GOLPH3: variants seen among roughly 807,000 people sequenced by gnomAD.
The protein encoded by GOLPH3 is golgi phosphoprotein 3.
Under a neutral mutation model 28.5 loss-of-function variants are expected in GOLPH3, and 14 were observed. The ratio of observed to expected loss-of-function variants is 0.49; its 90% CI spans 0.32 to 0.77. The LOEUF (loss-of-function observed/expected upper bound fraction) is 0.77. Ranked by LOEUF, GOLPH3 falls within the 30% of genes least tolerant of loss-of-function variation. The pLI is 0.03. For missense variants in GOLPH3, 350 were observed against 393.7 expected (o/e 0.89, Z 0.94); for synonymous variants, 158 against 159.2 (o/e 0.99, Z 0.06).
In GOLPH3 at chr5:32,160,828, G is replaced by A. The variant is rs187074863; in HGVS notation, c.225+12982C>T. ...CACGCCTGTAATCCCAGCACTTTGG[G>A]AGGCCAAGGCGGGCGGACCACGAGG... On this transcript the variant is annotated intron_variant, in intron 1 of 3. Coordinates refer to ENST00000265070, the MANE Select transcript of GOLPH3 (RefSeq NM_022130.4). 1.1e-3 allele frequency among the ~76,000 whole-genome samples: 160 copies of A among 152,324 alleles called. 1 individual carries two copies. Among genetic ancestry groups the A allele is most frequent in the African/African-American group, 3.8e-3 (159 of 41,578 alleles).
intron 1 of GOLPH3, among the ~76,000 whole-genome samples, chr5:32,152,075 G>T (rs1176198852): frequency 6.6e-6 from 1 of 152,016 alleles, no homozygotes; most frequent in African/African-American, 2.4e-5. Flanking sequence ...CCACTAAACT[G>T]TACCACTTAA....
intron 1 of GOLPH3, among the ~76,000 whole-genome samples, chr5:32,147,468 AG>A (rs1746204567): frequency 6.6e-6 from 1 of 152,052 alleles, no homozygotes; most frequent in Non-Finnish European, 1.5e-5. Context: ...CCTGGTGCAG[AG>A]GTTATTACAA....
chr5:32,126,755 C>T, intron 3 of GOLPH3, 119 bp from the exon 4 acceptor site: 1 of 764,308 alleles, frequency 1.3e-6, no homozygotes, highest in Non-Finnish European at 2.1e-6. Context: ...AGAAAATCTG[C>T]CATGTTTTTC....
At position 32,143,794 on chromosome 5, in the gene GOLPH3, T is replaced by G; in HGVS notation, c.312A>C (p.Gln104His). Residue 104 changes from glutamine to histidine, a missense_variant, in exon 2 of 4, where the codon CAA (glutamine) becomes CAC (histidine). Transcript: ENST00000265070. ...LIELALRGRL[Q>H]LEACGMRRKS... is the part of the protein sequence containing the mutation. ...TACGTCTCATTCCACAAGCCTCTAG[T>G]TGTAACCTTCCTCTCAATGCTAATT... 1 of 1,607,340 alleles carries G rather than the reference T, an allele frequency of 6.2e-7. No homozygotes were observed. Among genetic ancestry groups the G allele is most frequent in the African/African-American group, 1.3e-5 (1 of 74,714 alleles).
At chr5:32,145,366 T>C (rs1320775380) in intron 1 of GOLPH3, among the ~76,000 whole-genome samples, 1 of 152,180 alleles carries the variant, frequency 6.6e-6, no homozygotes, top group Admixed American at 6.5e-5. Flanking sequence ...CAAATGAAGA[T>C]TACCAGAGAT....
intron 1 of GOLPH3, among the ~76,000 whole-genome samples, chr5:32,153,472 T>C (rs935278114): frequency 3.3e-5 from 5 of 150,648 alleles, no homozygotes; most frequent in Non-Finnish European, 5.9e-5. Flanking sequence ...TACTTAGTGA[T>C]AGAGCCACAA....
chr5:32,161,752 G>A (rs1746582558), intron 1 of GOLPH3, among the ~76,000 whole-genome samples: 1 of 151,296 alleles, frequency 6.6e-6, no homozygotes, highest in Non-Finnish European at 1.5e-5. Context: ...GTCGGGCCAG[G>A]CACGGTGGCT....
chr5:32,160,168 T>C (rs998633431), intron 1 of GOLPH3, among the ~76,000 whole-genome samples: 1 of 152,172 alleles, frequency 6.6e-6, no homozygotes, highest in Non-Finnish European at 1.5e-5. Flanking sequence ...AACTGCACTC[T>C]AGCCTGGGTG....
chr5:32,135,712 A>C, intron 2 of GOLPH3, 26 bp from the exon 3 acceptor site: 1 of 1,400,438 alleles, frequency 7.1e-7, no homozygotes, highest in Non-Finnish European at 1.0e-6. Context: ...AAAGAATGAA[A>C]GGATCCACGA....
rs565635595 is a variant in GOLPH3 at position 32,155,488 on chromosome 5, G to A, written c.226-11608C>T. Among the ~76,000 whole-genome samples, 38 of 152,196 alleles carry A rather than the reference G, an allele frequency of 2.5e-4. No homozygotes were observed. In the South Asian group the frequency reaches 7.7e-3, roughly 31 times the overall value. On this transcript the variant is annotated intron_variant, in intron 1 of 3. Transcript: ENST00000265070. ...CAGGCATGTAATCCTGGATTGTACT[G>A]TTTAAATAAGTGAATTGTCAATTAA...
At chr5:32,141,796 G>T (rs1037428418) in intron 2 of GOLPH3, among the ~76,000 whole-genome samples, 19 of 152,082 alleles carry the variant, frequency 1.2e-4, no homozygotes, top group Non-Finnish European at 2.6e-4. Flanking sequence ...TGGAGACGGG[G>T]ATTCGCTGTG....
chr5:32,134,137 T>C (rs575790482), intron 3 of GOLPH3, among the ~76,000 whole-genome samples: 10 of 152,290 alleles, frequency 6.6e-5, no homozygotes, highest in African/African-American at 2.4e-4. Context: ...TTAGGAAGCC[T>C]TGATGAAGCA....
intron 1 of GOLPH3, among the ~76,000 whole-genome samples, chr5:32,160,927 C>A (rs913714711): frequency 7.2e-5 from 11 of 151,920 alleles, no homozygotes; most frequent in Non-Finnish European, 1.5e-4. Context: ...ATTAGCCAGG[C>A]GTGGTGGCGG....
chr5:32,172,469 G>A (rs754336805), intron 1 of GOLPH3, among the ~76,000 whole-genome samples: 1 of 151,798 alleles, frequency 6.6e-6, no homozygotes, highest in Non-Finnish European at 1.5e-5. Flanking sequence ...GGCCGAGGCA[G>A]GCGGATCACT....
At chr5:32,148,724 G>A (rs1465186935) in intron 1 of GOLPH3, among the ~76,000 whole-genome samples, 1 of 152,252 alleles carries the variant, frequency 6.6e-6, no homozygotes, top group Non-Finnish European at 1.5e-5. Context: ...GTGACCCCAG[G>A]AGGCGGAGCT....
At chr5:32,142,565 T>A (rs1581543592) in intron 2 of GOLPH3, among the ~76,000 whole-genome samples, 6 of 133,934 alleles carry the variant, frequency 4.5e-5, no homozygotes, top group South Asian at 2.5e-4. Flanking sequence ...GAGGAGCCAC[T>A]CTGCCCGGCC....
At chr5:32,142,103 C>G (rs1168165092) in intron 2 of GOLPH3, among the ~76,000 whole-genome samples, 1 of 150,842 alleles carries the variant, frequency 6.6e-6, no homozygotes, top group East Asian at 2.0e-4. Flanking sequence ...CCTGGCTGCC[C>G]AGTCTGGAAA....
chr5:32,171,630 A>G (rs1746839467), intron 1 of GOLPH3, among the ~76,000 whole-genome samples: 1 of 152,062 alleles, frequency 6.6e-6, no homozygotes, highest in Non-Finnish European at 1.5e-5. Flanking sequence ...AATGTCTATA[A>G]TAATGTTATT....
chr5:32,133,988 GA>G (rs1250387697), intron 3 of GOLPH3, among the ~76,000 whole-genome samples: 1 of 152,122 alleles, frequency 6.6e-6, no homozygotes, highest in Non-Finnish European at 1.5e-5. Flanking sequence ...TTACCAATAA[GA>G]AAAAATAATG....
Sources: allele counts gnomAD v4.1 joint callset (sites outside exome capture counted in the v4.1 genomes callset), GRCh38; gene constraint gnomAD v4.1.1; transcripts MANE v1.5; gene names NCBI Gene and HGNC (gene_info 2026-07-23, HGNC 2026-07-21).